PLXND1: variants seen among roughly 807,000 people sequenced by gnomAD.
PLXND1 encodes the protein plexin D1.
A neutral mutation model predicts 197.7 loss-of-function variants in PLXND1; 54 were observed. That is an observed-to-expected ratio of 0.27 (90% CI 0.22 to 0.34). PLXND1 has a LOEUF of 0.34. Among genes scored for constraint, PLXND1 ranks in the 10% least tolerant of loss-of-function variants. The pLI is 1.00. For missense variants in PLXND1, 2,127 were observed against 2,699.2 expected, an observed-to-expected ratio of 0.79 and a Z score of 4.70; for synonymous variants, 1,180 against 1,161.2, an observed-to-expected ratio of 1.02 and a Z score of -0.33.
chr3:129,560,573 C>A lies in PLXND1; in HGVS notation c.5028+116G>T. 7 of 968,810 alleles carry A rather than the reference C, an allele frequency of 7.2e-6. 1 individual carries two copies. In the South Asian group the frequency reaches 9.9e-5, roughly 14 times the overall value. 60.0% of individuals were successfully genotyped at this position (968,810 alleles called of 1,614,324 possible). ...TCTGGGCCCCATCCCTACTCCCCCACCCCCCAGCCTTTCGCAGGGCTGGGA... is the reference window on the plus strand; with the variant it reads ...TCTGGGCCCCATCCCTACTCCCCCAACCCCCAGCCTTTCGCAGGGCTGGGA... On this transcript the variant is annotated intron_variant, in intron 30 of 35. Coordinates refer to ENST00000324093, the MANE Select transcript of PLXND1 (RefSeq NM_015103.3).
Position 129,572,674 on chromosome 3 carries a change from A to T in PLXND1, c.3012T>A (p.Asn1004Lys), listed in dbSNP as rs753045849. The change falls in exon 15 of 36, where the codon AAT becomes AAA. Residue 1004 changes from asparagine to lysine, a missense_variant. Around this residue, in one of 6 missense-constraint regions of PLXND1, gnomAD observed 1,095 missense variants for 1,259.8 expected, o/e 0.87. Coordinates refer to ENST00000324093, the MANE Select transcript of PLXND1 (RefSeq NM_015103.3). ...GGAGCTCGGAGCCTACATGGAGGTC[A>T]TTCCCATGGATGGTGATCCTGGTGC... is the stretch of plus-strand genomic sequence containing the variant. The part of the protein sequence containing the change: ...AGGTRITIHG[N>K]DLHVGSELQV... The T allele has an allele frequency of 3.7e-6, 6 of 1,606,438 alleles. No individual in the cohort carries two copies. The highest frequency in any genetic ancestry group is 5.1e-6 in the Non-Finnish European group (6 of 1,175,958).
rs2085135035 is a variant in PLXND1 at position 129,566,030 on chromosome 3, C to G, written c.4192-13G>C. 6.2e-7 allele frequency: 1 copy of G among 1,614,034 alleles called. No individual in the cohort carries two copies. Among genetic ancestry groups the G allele is most frequent in the South Asian group, 1.1e-5 (1 of 91,050 alleles). The stretch of plus-strand genomic sequence containing the variant: ...AGCTCTCAGGAATCTGTGGAAGCAA[C>G]TGGTGATGGGGTGTCCAGAGGGGCC... On this transcript the variant is annotated splice_polypyrimidine_tract_variant and intron_variant, in intron 23 of 35. Transcript: ENST00000324093.
Position 129,555,363 on chromosome 3 carries a change from T to G in PLXND1, c.*949A>C. On this transcript the variant is annotated 3_prime_UTR_variant, in exon 36 of 36. Transcript: ENST00000324093. ...CCCATCGGCCACAGAGGGTCGTTTC[T>G]GGCAGGAACGGAGTGGGTGGTAGTC... 1 of 603,386 alleles carries G rather than the reference T, an allele frequency of 1.7e-6. No individual in the cohort carries two copies. The highest frequency in any genetic ancestry group is 3.2e-5 in the East Asian group (1 of 31,610). The allele number at this position is 603,386 out of a possible 1,614,324, so 37.4% of individuals were successfully genotyped here.
At chr3:129,567,650 C>G in intron 21 of PLXND1, 46 bp from the exon 22 acceptor site, 1 of 1,581,614 alleles carries the variant, frequency 6.3e-7, no homozygotes, top group Non-Finnish European at 8.7e-7. Flanking sequence ...AACCCATCCC[C>G]TAGGAGGGAA....
chr3:129,566,396 C>T (rs994276225), intron 23 of PLXND1, 131 bp downstream of exon 23: 1 of 687,678 alleles, frequency 1.5e-6, no homozygotes, highest in East Asian at 2.7e-5. Flanking sequence ...GGGCTCAGTA[C>T]CTTACAATGG....
rs909435501 is a variant in PLXND1 at position 129,558,520 on chromosome 3, T to C, written c.5353A>G (p.Ile1785Val). 6.2e-6 allele frequency: 10 copies of C among 1,614,036 alleles called. No homozygotes were observed. The highest frequency in any genetic ancestry group is 8.5e-6 in the Non-Finnish European group (10 of 1,179,996). ...ILKNPQFVFD[I>V]DKTDHIDACL... ...GCGTCGATGTGGTCTGTCTTGTCGA[T>C]GTCAAAGACAAACTGGGGGTTCTTC... is the stretch of plus-strand genomic sequence containing the variant. Residue 1785 changes from isoleucine to valine, a missense_variant, in exon 33 of 36, where the codon ATC (isoleucine) becomes GTC (valine). Physicochemically the swap from Ile to Val is conservative, Grantham distance 29. Around this residue, in one of 6 missense-constraint regions of PLXND1, gnomAD observed 200 missense variants for 303.3 expected, o/e 0.66. Coordinates refer to ENST00000324093, the MANE Select transcript of PLXND1 (RefSeq NM_015103.3). The surrounding 1 kb of genome is among the most constrained non-coding windows in gnomAD (Gnocchi z 4.1).
chr3:129,561,494 CAG>C (rs1303271544), intron 29 of PLXND1, 150 bp downstream of exon 29: 32 of 619,174 alleles, frequency 5.2e-5, no homozygotes, highest in Non-Finnish European at 6.3e-5. Context: ...AGTACTGGGT[CAG>C]AGGAGGCTGG....
rs752474928 is a variant in PLXND1 at position 129,558,408 on chromosome 3, T to G, written c.5445+20A>C. 5.6e-6 allele frequency: 9 copies of G among 1,611,236 alleles called. 1 individual carries two copies. The highest frequency in any genetic ancestry group is 1.3e-5 in the African/African-American group (1 of 75,050). ...TCTGGCCCTGTGCATGGGCCTGGCCTGGTCCTGGGAACAGCTGACCTTGCC... is the reference window on the plus strand; with the variant it reads ...TCTGGCCCTGTGCATGGGCCTGGCCGGGTCCTGGGAACAGCTGACCTTGCC... On this transcript the variant is annotated intron_variant, in intron 33 of 35. Coordinates refer to ENST00000324093, the MANE Select transcript of PLXND1 (RefSeq NM_015103.3). This position sits in a 1 kb window ranked among gnomAD's most constrained non-coding sequence, Gnocchi z 4.1.
At chr3:129,579,097 CTT>C (rs531917726) in intron 8 of PLXND1, among the ~76,000 whole-genome samples, 2 of 151,512 alleles carry the variant, frequency 1.3e-5, no homozygotes, top group Non-Finnish European at 2.9e-5. Context: ...ATGGTTGGCT[CTT>C]GTTTGGTGGT....
At chr3:129,575,728 G>C in intron 10 of PLXND1, 38 bp downstream of exon 10, 1 of 1,465,954 alleles carries the variant, frequency 6.8e-7, no homozygotes, top group South Asian at 1.2e-5. Context: ...ACTTAACGCA[G>C]GCCCGCCCTC....
At chr3:129,561,774 A>C (rs2108765193) in intron 28 of PLXND1, 26 bp downstream of exon 28, 6 of 1,273,440 alleles carry the variant, frequency 4.7e-6, no homozygotes, top group South Asian at 1.2e-5. Flanking sequence ...AGGGTGGGGA[A>C]ATGGGGGCGG....
At chr3:129,575,615 G>C (rs372116698) in intron 10 of PLXND1, 53 bp from the exon 11 acceptor site, 3 of 1,371,552 alleles carry the variant, frequency 2.2e-6, no homozygotes, top group Middle Eastern at 1.8e-4. Context: ...CTGGGGCTCT[G>C]CTGGGGATGG....
chr3:129,605,281 GCCC>G (rs1201180514), intron 1 of PLXND1, 45 bp downstream of exon 1: 111 of 277,780 alleles, frequency 4.0e-4, no homozygotes, highest in South Asian at 2.7e-3. Context: ...CCCCGCCCCC[GCCC>G]CCGCCGCCGC....
At chr3:129,602,496 T>C (rs1300228716) in intron 1 of PLXND1, among the ~76,000 whole-genome samples, 1 of 152,196 alleles carries the variant, frequency 6.6e-6, no homozygotes, top group Non-Finnish European at 1.5e-5. Context: ...TTGCCCTGTG[T>C]ATAAGGGCCT....
intron 1 of PLXND1, among the ~76,000 whole-genome samples, chr3:129,596,060 C>T (rs2085617536): frequency 6.6e-6 from 1 of 152,148 alleles, no homozygotes; most frequent in Non-Finnish European, 1.5e-5. Context: ...TCGGACTCCA[C>T]ATCTGTAAAA....
At chr3:129,601,180 T>C (rs968877084) in intron 1 of PLXND1, among the ~76,000 whole-genome samples, 1 of 152,172 alleles carries the variant, frequency 6.6e-6, no homozygotes, top group Non-Finnish European at 1.5e-5. Context: ...TGGAGGCTAA[T>C]TTCTTCACTC....
chr3:129,582,696 A>G (rs933027162), intron 8 of PLXND1, among the ~76,000 whole-genome samples: 1 of 152,238 alleles, frequency 6.6e-6, no homozygotes, highest in African/African-American at 2.4e-5. Context: ...GTGAGAGGCC[A>G]CCTGGAAAGT....
In PLXND1 at chr3:129,573,614, G is replaced by C. The variant is rs906249435; in HGVS notation, c.2817C>G (p.Asp939Glu). ...CTCACTCCTCCGACACCGTGTATCT[G>C]TCAGGCAGTGGCTCACAGGCCACAC... Reference protein sequence around the residue: ...IGGVACEPLPDRYTVSEEIVC... With the variant: ...IGGVACEPLPERYTVSEEIVC... Residue 939 changes from aspartate to glutamate, a missense_variant, in exon 13 of 36, where the codon GAC becomes GAG. By Grantham distance (45) the Asp-to-Glu change is conservative (BLOSUM62 2). Around this residue, in one of 6 missense-constraint regions of PLXND1, gnomAD observed 1,095 missense variants for 1,259.8 expected, o/e 0.87. Transcript: ENST00000324093. 5.0e-6 allele frequency: 8 copies of C among 1,613,342 alleles called. No homozygotes were observed. Among genetic ancestry groups the C allele is most frequent in the Non-Finnish European group, 6.8e-6 (8 of 1,179,972 alleles).
intron 3 of PLXND1, 109 bp downstream of exon 3, chr3:129,586,479 G>C: frequency 7.5e-7 from 1 of 1,329,056 alleles, no homozygotes; most frequent in Non-Finnish European, 1.0e-6. Context: ...AGATAAGGGA[G>C]ATGGAGGAGG....
Sources: allele counts gnomAD v4.1 joint callset (sites outside exome capture counted in the v4.1 genomes callset), GRCh38; gene constraint gnomAD v4.1.1; regional missense constraint gnomAD v4.1.1; non-coding constraint Gnocchi (gnomAD v3.1); transcripts MANE v1.5; gene names NCBI Gene and HGNC (gene_info 2026-07-23, HGNC 2026-07-21).